Variants in FOXO3B observed in about 807,000 individuals in gnomAD.
FOXO3B encodes the protein forkhead box protein O3B.
In FOXO3B, 15 loss-of-function variants were observed where a neutral mutation model predicts 21.9. The observed-to-expected ratio is 0.68, with a 90% confidence interval of 0.46 to 1.05. The LOEUF is 1.05. FOXO3B is among the 50% of genes least tolerant of loss of function. FOXO3B has a pLI of 0.00. For synonymous variants in FOXO3B, 135 were observed against 213.6 expected, an observed-to-expected ratio of 0.63 and a Z score of 3.21; for missense variants, 293 against 435.5, an observed-to-expected ratio of 0.67 and a Z score of 2.91.
At chr17:18,674,442 G>A (rs1226239982) in intron 3 of FOXO3B, among the ~76,000 whole-genome samples, 6 of 147,828 alleles carry the variant, frequency 4.1e-5, no homozygotes, top group African/African-American at 9.9e-5. Flanking sequence ...TGGCTAACAC[G>A]GTGAAACCCC....
At chr17:18,674,279 T>C (rs2649417) in intron 3 of FOXO3B, among the ~76,000 whole-genome samples, 54 of 150,880 alleles carry the variant, frequency 3.6e-4, no homozygotes, top group South Asian at 1.1e-3. Flanking sequence ...CACATTTTCT[T>C]TGGGCCACAC....
rs1380824280 is a variant in FOXO3B at position 18,671,843 on chromosome 17, A to G, written c.*466T>C. On this transcript the variant is annotated 3_prime_UTR_variant, in exon 4 of 4. Coordinates refer to ENST00000395675, the MANE Select transcript of FOXO3B (RefSeq NM_001368135.1). The stretch of plus-strand genomic sequence containing the variant: ...GTCAGCCGTAGCAGTTCCACCGTGC[A>G]CGGCTTGCTTACTGAAGGTGACAGG... The G allele has an allele frequency of 5.6e-6, 9 of 1,611,770 alleles. No individual in the cohort carries two copies. The highest frequency in any genetic ancestry group is 5.5e-5 in the South Asian group (5 of 90,956).
rs567479644 is a variant in FOXO3B, at chr17:18,674,702, T to C, written c.127-1647A>G. On this transcript the variant is annotated intron_variant, in intron 3 of 3. Transcript: ENST00000395675. ...TTTCTCTCTTGAAAAAAACTGGAAG[T>C]GTACTGAACGACAACCACCATTTAG... Among the ~76,000 whole-genome samples the C allele has an allele frequency of 2.9e-4, 44 of 150,332 alleles. No individual in the cohort carries two copies. The South Asian group carries it at 5.7e-3, about 19-fold the overall frequency.
chr17:18,674,423 A>C (rs893720520), intron 3 of FOXO3B, among the ~76,000 whole-genome samples: 16 of 146,748 alleles, frequency 1.1e-4, no homozygotes, highest in Admixed American at 2.8e-4. Flanking sequence ...CAGGAGATCG[A>C]GATCATCCTG....
chr17:18,678,374 T>C (rs2032530243), intron 3 of FOXO3B, among the ~76,000 whole-genome samples: 1 of 152,168 alleles, frequency 6.6e-6, no homozygotes, highest in East Asian at 1.9e-4. Flanking sequence ...TATGTCTGAA[T>C]ACAGTAGTGC....
Position 18,671,542 on chromosome 17 carries a change from T to C in FOXO3B, c.*767A>G, listed in dbSNP as rs931544573. 8 of 1,602,314 alleles carry C rather than the reference T, an allele frequency of 5.0e-6. 1 individual carries two copies. Among genetic ancestry groups the C allele is most frequent in the Non-Finnish European group, 6.0e-6 (7 of 1,170,450 alleles). On this transcript the variant is annotated 3_prime_UTR_variant, in exon 4 of 4. Transcript: ENST00000395675. ...AGTGTCTGGTTACCATAGTGTGACA[T>C]GGAAGAGAAGGTAGCTGGCTTGTTC... is the stretch of plus-strand genomic sequence containing the variant.
Position 18,674,647 on chromosome 17 carries a change from G to GGGGC in FOXO3B, c.127-1593_127-1592insGCCC, listed in dbSNP as rs200320981. Among the ~76,000 whole-genome samples the GGGGC allele has an allele frequency of 4.9e-4, 71 of 146,014 alleles. 1 individual carries two copies. Among genetic ancestry groups the GGGGC allele is most frequent in the African/African-American group, 1.8e-3 (71 of 38,804 alleles). On this transcript the variant is annotated intron_variant, in intron 3 of 3. Transcript: ENST00000395675. ...TCTCAAAAAAAAAAAAAAGGGGGGGGGGAGATTACAGACAAATGCAAATTT... is the reference window on the plus strand; with the variant it reads ...TCTCAAAAAAAAAAAAAAGGGGGGGGGGGCGGAGATTACAGACAAATGCAAATTT...
chr17:18,679,713 G>A (rs1056046559), intron 3 of FOXO3B, among the ~76,000 whole-genome samples: 1 of 152,128 alleles, frequency 6.6e-6, no homozygotes, highest in Non-Finnish European at 1.5e-5. Flanking sequence ...CTCTCAAAGT[G>A]CTGGGATTAC....
chr17:18,671,684 G>C lies in FOXO3B; in HGVS notation c.*625C>G. 2.5e-6 allele frequency: 4 copies of C among 1,613,738 alleles called. No homozygotes were observed. In the South Asian group the frequency reaches 3.3e-5, roughly 13 times the overall value. On this transcript the variant is annotated 3_prime_UTR_variant, in exon 4 of 4. Transcript: ENST00000395675. ...GGCCCGAGCCCTTGGTGGTATACGG[G>C]AAGCTAGAACTCCGCTGCATGAGTC...
rs568754039 is a variant in FOXO3B, at chr17:18,671,522, C to G, written c.*787G>C. On this transcript the variant is annotated 3_prime_UTR_variant, in exon 4 of 4. Coordinates refer to ENST00000395675, the MANE Select transcript of FOXO3B (RefSeq NM_001368135.1). Reference sequence around the variant, plus strand: ...CCGAAGTGAGCAGGTCCTGGAGTGTCTGGTTACCATAGTGTGACATGGAAG... The same window carrying G: ...CCGAAGTGAGCAGGTCCTGGAGTGTGTGGTTACCATAGTGTGACATGGAAG... 39 of 1,598,764 alleles carry G rather than the reference C, an allele frequency of 2.4e-5. No homozygotes were observed. In the South Asian group the frequency reaches 4.2e-4, roughly 17 times the overall value.
Position 18,669,937 on chromosome 17 carries a change from T to C in FOXO3B, c.*2372A>G, listed in dbSNP as rs2032333087. Among the ~76,000 whole-genome samples the C allele has an allele frequency of 6.7e-6, 1 of 148,748 alleles. No homozygotes were observed. Among genetic ancestry groups the C allele is most frequent in the South Asian group, 2.1e-4 (1 of 4,750 alleles). On this transcript the variant is annotated 3_prime_UTR_variant, in exon 4 of 4. Transcript: ENST00000395675. ...GCAAAGCAAAACAGGACTTTTTTTT[T>C]TTTTCCTTTTCTTTCTCCTTAAAAC...
chr17:18,671,391 C>G lies in FOXO3B; in HGVS notation c.*918G>C. 2 of 1,613,262 alleles carry G rather than the reference C, an allele frequency of 1.2e-6. No homozygotes were observed. The highest frequency in any genetic ancestry group is 2.2e-5 in the East Asian group (1 of 44,834). On this transcript the variant is annotated 3_prime_UTR_variant, in exon 4 of 4. Coordinates refer to ENST00000395675, the MANE Select transcript of FOXO3B (RefSeq NM_001368135.1). ...AGCAAAGGACATCATCGGATCATTG[C>G]GAAGCATCACGTTCCGGCGGGAATT...
In FOXO3B at chr17:18,672,383, G is replaced by T; in HGVS notation, c.799C>A (p.Gln267Lys). 4 of 1,613,342 alleles carry T rather than the reference G, an allele frequency of 2.5e-6. No homozygotes were observed. Among genetic ancestry groups the T allele is most frequent in the Non-Finnish European group, 3.4e-6 (4 of 1,179,582 alleles). Residue 267 changes from glutamine (Q) to lysine (K), a missense_variant, in exon 4 of 4, where the codon CAG becomes AAG. Physicochemically the swap from Gln to Lys is moderately conservative, Grantham distance 53. Coordinates refer to ENST00000395675, the MANE Select transcript of FOXO3B (RefSeq NM_001368135.1). This position sits in a 1 kb window ranked among gnomAD's most constrained non-coding sequence, Gnocchi z 4.2. ...CAACTCACCATCCACTCGTAGATCT[G>T]GGACAGAGTGAGCCGTCTGTCCGGG... Reference protein sequence around the residue: ...SSPDRRLTLSQIYEWMVSCVP... With the variant: ...SSPDRRLTLSKIYEWMVSCVP...
In FOXO3B at chr17:18,673,010, C is replaced by G; in HGVS notation, c.172G>C (p.Val58Leu). 6.8e-7 allele frequency: 1 copy of G among 1,465,344 alleles called. No homozygotes were observed. Among genetic ancestry groups the G allele is most frequent in the Non-Finnish European group, 9.0e-7 (1 of 1,115,482 alleles). 90.8% of individuals were successfully genotyped at this position (1,465,344 alleles called of 1,614,324 possible). A position where few individuals can be genotyped will look rare whatever the true frequency, so the allele number is the denominator to read the frequency against. ...GGGTGCAGCGGGGGAGGGACGTGGA[C>G]GCCGCGAAGGCTCCGGCTCCCGGGC... ...AAPGSRSLRGVHVPPPLHPAP... is the reference protein window; with the variant it reads ...AAPGSRSLRGLHVPPPLHPAP... The change falls in exon 4 of 4, where the codon GTC becomes CTC. Residue 58 changes from valine to leucine, a missense_variant. Physicochemically the swap from Val to Leu is conservative, Grantham distance 32. Coordinates refer to ENST00000395675, the MANE Select transcript of FOXO3B (RefSeq NM_001368135.1).
chr17:18,681,038 A>G (rs1386927502), intron 2 of FOXO3B, among the ~76,000 whole-genome samples: 777 of 148,230 alleles, frequency 5.2e-3, no homozygotes, highest in African/African-American at 0.02. Flanking sequence ...TGCTATAATC[A>G]TAACACATTC....
intron 3 of FOXO3B, among the ~76,000 whole-genome samples, chr17:18,674,218 A>G (rs2032433229): frequency 6.6e-6 from 1 of 152,044 alleles, no homozygotes; most frequent in Non-Finnish European, 1.5e-5. Flanking sequence ...CTAATGAAGT[A>G]GTAAGTAGAG....
intron 3 of FOXO3B, among the ~76,000 whole-genome samples, chr17:18,676,958 C>T (rs1372015585): frequency 1.3e-5 from 2 of 152,244 alleles, no homozygotes; most frequent in African/African-American, 4.8e-5. Flanking sequence ...CCACCTTGGC[C>T]TCCCAAAGTG....
In FOXO3B at chr17:18,680,793, T is replaced by C. The variant is rs2032569934; in HGVS notation, c.74A>G (p.Lys25Arg). ...SSQDSPHFQE[K>R]STEEGEVAAL... ...AGCCACTTCTCCCTCTTCTGTGCTC[T>C]TCTCTTGGAAATGGGGAGAATCCTG... is the stretch of plus-strand genomic sequence containing the variant. The change falls in exon 3 of 4, where the codon AAG becomes AGG. Residue 25 changes from lysine (K) to arginine (R), a missense_variant. Coordinates refer to ENST00000395675, the MANE Select transcript of FOXO3B (RefSeq NM_001368135.1). 1 of 1,613,162 alleles carries C rather than the reference T, an allele frequency of 6.2e-7. No individual in the cohort carries two copies. The highest frequency in any genetic ancestry group is 2.2e-5 in the East Asian group (1 of 44,890).
chr17:18,673,787 GTA>G (rs2032423502), intron 3 of FOXO3B, among the ~76,000 whole-genome samples: 1 of 151,798 alleles, frequency 6.6e-6, no homozygotes. Context: ...TGAGAATGAA[GTA>G]TATGAGGGCA....
Sources: allele counts gnomAD v4.1 joint callset (sites outside exome capture counted in the v4.1 genomes callset), GRCh38; gene constraint gnomAD v4.1.1; non-coding constraint Gnocchi (gnomAD v3.1); transcripts MANE v1.5; gene names NCBI Gene and HGNC (gene_info 2026-07-23, HGNC 2026-07-21).